NOM1: variants seen among roughly 807,000 people sequenced by gnomAD.
NOM1 encodes the protein nucleolar MIF4G domain-containing protein 1.
A neutral mutation model predicts 73.3 loss-of-function variants in NOM1; 58 were observed. That is an observed-to-expected ratio of 0.79 (90% CI 0.64 to 0.99). The LOEUF is 0.99. NOM1 is among the 50% of genes least tolerant of loss of function. NOM1 has a pLI of 0.00. For missense variants in NOM1, 1,226 were observed against 1,131.9 expected (o/e 1.08, Z -1.19); for synonymous variants, 487 against 446.8 (o/e 1.09, Z -1.14).
chr7:156,953,672 C>A (rs1164498708), intron 2 of NOM1, among the ~76,000 whole-genome samples: 2 of 152,158 alleles, frequency 1.3e-5, no homozygotes, highest in Non-Finnish European at 2.9e-5. Context: ...TCCCCACTAC[C>A]CGTTCAAACA....
intron 4 of NOM1, 24 bp from the exon 5 acceptor site, chr7:156,962,127 T>G (rs762199646): frequency 3.1e-6 from 5 of 1,597,116 alleles, no homozygotes; most frequent in Non-Finnish European, 4.3e-6. Flanking sequence ...TGATGGACTT[T>G]CCATTTTTTC....
chr7:156,952,651 T>A, intron 2 of NOM1, 53 bp downstream of exon 2: 2 of 1,571,860 alleles, frequency 1.3e-6, no homozygotes, highest in Non-Finnish European at 1.7e-6. Flanking sequence ...GTCTGTTTCC[T>A]AAAATGTAGG....
chr7:156,969,608 C>T lies in NOM1; in HGVS notation c.2488C>T (p.Gln830Ter). The T allele has an allele frequency of 6.2e-7, 1 of 1,614,082 alleles. No individual in the cohort carries two copies. The highest frequency in any genetic ancestry group is 8.5e-7 in the Non-Finnish European group (1 of 1,179,978). Residue 830 changes from glutamine to a stop codon, truncating the protein, a stop_gained, in exon 11 of 11, where the codon CAG (glutamine) becomes TAG (stop). Coordinates refer to ENST00000275820, the MANE Select transcript of NOM1 (RefSeq NM_138400.2). LOFTEE classifies it low-confidence loss of function (END_TRUNC). Reference sequence around the variant, plus strand: ...CAGCCACTTCTTGCTAAAGAACGCACAGGCCCACAGAAGCGCCGACGAAGC... The same window carrying T: ...CAGCCACTTCTTGCTAAAGAACGCATAGGCCCACAGAAGCGCCGACGAAGC... ...FISHFLLKNAQAHRSADEANV... is the reference protein window; with the variant it reads ...FISHFLLKNA
chr7:156,957,707 G>A (rs1283988479), intron 3 of NOM1, among the ~76,000 whole-genome samples: 8 of 141,584 alleles, frequency 5.7e-5, no homozygotes, highest in South Asian at 2.3e-4. Flanking sequence ...CCCAGCAGGC[G>A]GAGCTTGCAG....
intron 9 of NOM1, chr7:156,968,684 ATT>A: frequency 2.9e-5 from 3 of 104,406 alleles, no homozygotes; most frequent in Non-Finnish European, 5.8e-5. Flanking sequence ...CTAGAAGTAA[ATT>A]TTATATATAT....
At chr7:156,954,320 A>T in intron 3 of NOM1, 22 bp downstream of exon 3, 2 of 1,556,290 alleles carry the variant, frequency 1.3e-6, no homozygotes, top group Non-Finnish European at 1.7e-6. Flanking sequence ...CCTTTTCTCC[A>T]GGCTGTCACT....
Position 156,950,112 on chromosome 7 carries a change from C to A in NOM1, c.375C>A (p.Asp125Glu). Residue 125 changes from aspartate (D) to glutamate (E), a missense_variant, in exon 1 of 11, where the codon GAC (aspartate) becomes GAA (glutamate). By Grantham distance (45) the Asp-to-Glu change is conservative (BLOSUM62 2). Transcript: ENST00000275820. Reference protein sequence around the residue: ...GAEEASGHRQDTEERARPAPS... With the variant: ...GAEEASGHRQETEERARPAPS... ...AAGAAGCCAGCGGTCACCGGCAGGA[C>A]ACGGAGGAGCGCGCCCGCCCAGCCC... 6.4e-7 allele frequency: 1 copy of A among 1,552,708 alleles called. No homozygotes were observed. The highest frequency in any genetic ancestry group is 1.2e-5 in the South Asian group (1 of 86,088).
At position 156,972,249 on chromosome 7, in the gene NOM1, T is replaced by C. The variant is rs1232501648; in HGVS notation, c.*2546T>C. ...GGCCCACATTTGAGTGGTGCTAACT[T>C]GATGTGAGTAGGCATTAATTATGGG... On this transcript the variant is annotated 3_prime_UTR_variant, in exon 11 of 11. Transcript: ENST00000275820. The C allele has an allele frequency of 6.6e-6, 1 of 152,202 alleles. No individual in the cohort carries two copies. The highest frequency in any genetic ancestry group is 1.5e-5 in the Non-Finnish European group (1 of 68,042). The allele number at this position is 152,202 out of a possible 1,614,324, so 9.4% of individuals were successfully genotyped here.
intron 1 of NOM1, 72 bp from the exon 2 acceptor site, chr7:156,952,402 A>G: frequency 6.6e-7 from 1 of 1,507,532 alleles, no homozygotes; most frequent in Admixed American, 2.1e-5. Context: ...ATTTAAATAC[A>G]CATATGGCAA....
intron 5 of NOM1, 77 bp from the exon 6 acceptor site, chr7:156,962,931 A>G: frequency 6.8e-7 from 1 of 1,480,758 alleles, no homozygotes. Flanking sequence ...ATGGTCAAAA[A>G]CAAAAAGCCA....
chr7:156,955,461 C>T (rs1164113060), intron 3 of NOM1, among the ~76,000 whole-genome samples: 1 of 131,398 alleles, frequency 7.6e-6, no homozygotes, highest in Non-Finnish European at 1.6e-5. Flanking sequence ...CAGTGTTTAA[C>T]CCATTTGGAT....
At chr7:156,955,426 G>C (rs1408263409) in intron 3 of NOM1, among the ~76,000 whole-genome samples, 3 of 152,186 alleles carry the variant, frequency 2.0e-5, no homozygotes, top group African/African-American at 7.2e-5. Flanking sequence ...TAGTTTTCCC[G>C]TGATACAGTA....
Position 156,949,799 on chromosome 7 carries a change from G to T in NOM1, c.62G>T (p.Arg21Leu), listed in dbSNP as rs1349826511. Reference sequence around the variant, plus strand: ...GGCGGCTCCCAGGGACGCGTGGTCCGCATGAAGCGCAGAGGCGGGCGCGGG... The same window carrying T: ...GGCGGCTCCCAGGGACGCGTGGTCCTCATGAAGCGCAGAGGCGGGCGCGGG... ...GPGGSQGRVV[R>L]MKRRGGRGPR... Residue 21 changes from arginine (R) to leucine (L), a missense_variant, in exon 1 of 11, where the codon CGC becomes CTC. Arg to Leu is a moderately radical substitution (Grantham distance 102). Coordinates refer to ENST00000275820, the MANE Select transcript of NOM1 (RefSeq NM_138400.2). 1 of 1,426,672 alleles carries T rather than the reference G, an allele frequency of 7.0e-7. No homozygotes were observed. Among genetic ancestry groups the T allele is most frequent in the Non-Finnish European group, 9.1e-7 (1 of 1,094,902 alleles). The allele number at this position is 1,426,672 out of a possible 1,614,324, so 88.4% of individuals were successfully genotyped here. A position where few individuals can be genotyped will look rare whatever the true frequency, so the allele number is the denominator to read the frequency against.
chr7:156,950,778 CAG>C (rs1260257190), intron 1 of NOM1, 54 bp downstream of exon 1: 2 of 1,465,200 alleles, frequency 1.4e-6, no homozygotes, highest in East Asian at 2.5e-5. Context: ...AATAACGGGA[CAG>C]GGAATGGGGC....
At chr7:156,968,089 T>C (rs1489768658) in intron 9 of NOM1, among the ~76,000 whole-genome samples, 1 of 152,226 alleles carries the variant, frequency 6.6e-6, no homozygotes, top group African/African-American at 2.4e-5. Flanking sequence ...CGTCCCTTGC[T>C]GTGTGGTGTC....
Position 156,959,980 on chromosome 7 carries a change from T to G in NOM1, c.1438T>G (p.Ser480Ala), listed in dbSNP as rs761350151. Residue 480 changes from serine (S) to alanine (A), a missense_variant, in exon 4 of 11, where the codon TCT becomes GCT. Physicochemically the swap from Ser to Ala is moderately conservative, Grantham distance 99. Coordinates refer to ENST00000275820, the MANE Select transcript of NOM1 (RefSeq NM_138400.2). ...AHLYNFHVVQSLLIFDILKKL... is the reference protein window; with the variant it reads ...AHLYNFHVVQALLIFDILKKL... ...TTTATACAACTTCCACGTGGTACAG[T>G]CTCTCCTCATCTTCGACATTTTGAA... 6.2e-7 allele frequency: 1 copy of G among 1,614,110 alleles called. No individual in the cohort carries two copies. Among genetic ancestry groups the G allele is most frequent in the Non-Finnish European group, 8.5e-7 (1 of 1,180,000 alleles).
At chr7:156,966,888 G>A in intron 8 of NOM1, 73 bp from the exon 9 acceptor site, 1 of 1,412,838 alleles carries the variant, frequency 7.1e-7, no homozygotes, top group Non-Finnish European at 9.6e-7. Flanking sequence ...ATACCTTTAG[G>A]TTATGTTGTT....
intron 3 of NOM1, among the ~76,000 whole-genome samples, chr7:156,957,501 T>C (rs769772884): frequency 6.6e-6 from 1 of 151,864 alleles, no homozygotes; most frequent in Admixed American, 6.6e-5. Context: ...TACAGCCGGG[T>C]GTGGTGGCTC....
At position 156,960,035 on chromosome 7, in the gene NOM1, A is replaced by T. The variant is rs1193103512; in HGVS notation, c.1493A>T (p.Asp498Val). Residue 498 changes from aspartate (D) to valine (V), a missense_variant, in exon 4 of 11, where the codon GAT becomes GTT. Physicochemically the swap from Asp to Val is radical, Grantham distance 152 (BLOSUM62 -3). Transcript: ENST00000275820. Reference protein sequence around the residue: ...KKLIGTFTEKDIELILLMLKN... With the variant: ...KKLIGTFTEKVIELILLMLKN... ...CTGATTGGAACTTTCACCGAAAAAGATATTGAACTGATCTTGTTAATGCTG... is the reference window on the plus strand; with the variant it reads ...CTGATTGGAACTTTCACCGAAAAAGTTATTGAACTGATCTTGTTAATGCTG... 1 of 1,614,194 alleles carries T rather than the reference A, an allele frequency of 6.2e-7. No homozygotes were observed. The highest frequency in any genetic ancestry group is 1.7e-5 in the Admixed American group (1 of 60,024).
Sources: allele counts gnomAD v4.1 joint callset (sites outside exome capture counted in the v4.1 genomes callset), GRCh38; gene constraint gnomAD v4.1.1; transcripts MANE v1.5; gene names NCBI Gene and HGNC (gene_info 2026-07-23, HGNC 2026-07-21).